Variants in RYR2 observed in about 807,000 individuals in gnomAD.
RYR2 encodes cardiac muscle ryanodine receptor-calcium release channel.
Under a neutral mutation model 601.1 loss-of-function variants are expected in RYR2, and 227 were observed. The observed-to-expected ratio is 0.38, with a 90% CI of 0.34 to 0.42. The LOEUF (loss-of-function observed/expected upper bound fraction) is 0.42. Among genes scored for constraint, RYR2 ranks in the 10% least tolerant of loss-of-function variants. The pLI is 1.00. For synonymous variants in RYR2, 2,223 were observed against 2,175.1 expected, an observed-to-expected ratio of 1.02 and a Z score of -0.61; for missense variants, 4,646 against 6,156.5, an observed-to-expected ratio of 0.75 and a Z score of 8.21.
chr1:237,377,500 T>C (rs1053733702), intron 8 of RYR2, 65 bp downstream of exon 8: 53 of 1,199,996 alleles, frequency 4.4e-5, no homozygotes, highest in Non-Finnish European at 6.3e-5. Context: ...TAAAATGATC[T>C]CTTTAAGGTT....
intron 1 of RYR2, among the ~76,000 whole-genome samples, chr1:237,265,048 A>G (rs1221840486): frequency 3.3e-5 from 5 of 152,106 alleles, no homozygotes; most frequent in African/African-American, 2.4e-5. Context: ...ATGCATGATA[A>G]CAATTGAAGA....
intron 1 of RYR2, among the ~76,000 whole-genome samples, chr1:237,227,485 G>A (rs2149170948): frequency 6.6e-6 from 1 of 152,290 alleles, no homozygotes; most frequent in South Asian, 2.1e-4. Flanking sequence ...GTCAAATAAA[G>A]TAAGTTTTGT....
intron 3 of RYR2, among the ~76,000 whole-genome samples, chr1:237,350,704 T>TA (rs1386751348): frequency 7.0e-6 from 1 of 142,196 alleles, no homozygotes; most frequent in Non-Finnish European, 1.5e-5. Flanking sequence ...TTCCCTATGT[T>TA]AAAAAAAGTC....
chr1:237,044,254 T>C (rs1660288565), intron 1 of RYR2, among the ~76,000 whole-genome samples: 1 of 152,036 alleles, frequency 6.6e-6, no homozygotes, highest in South Asian at 2.1e-4. Flanking sequence ...TTTATTCAGG[T>C]GGACAAATAC....
intron 25 of RYR2, among the ~76,000 whole-genome samples, chr1:237,532,071 G>A (rs1231980221): frequency 6.6e-6 from 1 of 151,830 alleles, no homozygotes; most frequent in Non-Finnish European, 1.5e-5. Context: ...ATTTTTAATT[G>A]TTTTTGTTTT....
chr1:237,128,386 G>A (rs866849768), intron 1 of RYR2, among the ~76,000 whole-genome samples: 7 of 152,146 alleles, frequency 4.6e-5, no homozygotes, highest in African/African-American at 1.2e-4. Context: ...GAGGCAGACC[G>A]TGGGGAGAGG....
rs776115513 is a variant in RYR2 at position 237,786,039 on chromosome 1, A to G, written c.13328+3A>G. ...AAATCTGAACCTGAAAAAGCCGAGT[A>G]TGTATAGTTTGCATATACTTTTCCT... On this transcript the variant is annotated splice_donor_region_variant and intron_variant, in intron 91 of 104. Transcript: ENST00000366574. The G allele has an allele frequency of 5.1e-6, 8 of 1,565,284 alleles. No individual in the cohort carries two copies. The highest frequency in any genetic ancestry group is 6.1e-6 in the Non-Finnish European group (7 of 1,147,972).
At chr1:237,064,675 AG>A (rs1168616633) in intron 1 of RYR2, among the ~76,000 whole-genome samples, 3 of 150,012 alleles carry the variant, frequency 2.0e-5, no homozygotes, top group African/African-American at 7.4e-5. Context: ...CCTTCCTAGT[AG>A]GTATAACTCT....
intron 87 of RYR2, among the ~76,000 whole-genome samples, chr1:237,777,128 G>GT (rs971161618): frequency 3.9e-5 from 6 of 152,214 alleles, no homozygotes; most frequent in Non-Finnish European, 8.8e-5. Flanking sequence ...CTCACTTGGT[G>GT]TAAGGGGATG....
rs557785217 is a variant in RYR2, at chr1:237,311,651, T to C, written c.169-19227T>C. 3.9e-5 allele frequency among the ~76,000 whole-genome samples: 6 copies of C among 152,118 alleles called. No homozygotes were observed. In the South Asian group the frequency reaches 1.2e-3, roughly 32 times the overall value. On this transcript the variant is annotated intron_variant, in intron 2 of 104. Transcript: ENST00000366574. ...TGTGCCACCACAACCAGCTAATTTT[T>C]TTTTTTAAGTAGAGTTGGGATTTCA... is the stretch of plus-strand genomic sequence containing the variant.
chr1:237,804,434 T>C (rs2493901), intron 98 of RYR2, among the ~76,000 whole-genome samples: 27,264 of 149,376 alleles, frequency 0.18, 2,965 homozygotes, highest in East Asian at 0.48. Context: ...CTGTGAAAGA[T>C]TAAGATATCT....
rs541864904 is a variant in RYR2, at chr1:237,644,932, C to T, written c.7342+1485C>T. Among the ~76,000 whole-genome samples, 8 of 151,942 alleles carry T rather than the reference C, an allele frequency of 5.3e-5. No individual in the cohort carries two copies. In the South Asian group the frequency reaches 8.3e-4, roughly 16 times the overall value. On this transcript the variant is annotated intron_variant, in intron 48 of 104. Transcript: ENST00000366574. ...TTGTAATCCCAGCTACTCAGGAGGCCGAGGCAGGAGAATCGCTTGAACCCG... is the reference window on the plus strand; with the variant it reads ...TTGTAATCCCAGCTACTCAGGAGGCTGAGGCAGGAGAATCGCTTGAACCCG...
chr1:237,171,013 C>G (rs1005141601), intron 1 of RYR2, among the ~76,000 whole-genome samples: 2 of 151,776 alleles, frequency 1.3e-5, no homozygotes, highest in Non-Finnish European at 2.9e-5. Flanking sequence ...TAGATTCTCC[C>G]CATGAGGTCG....
At chr1:237,727,261 G>A (rs1690277034) in intron 76 of RYR2, 62 bp downstream of exon 76, 1 of 754,782 alleles carries the variant, frequency 1.3e-6, no homozygotes, top group South Asian at 2.3e-5. Context: ...AGTGACAGGT[G>A]TTTAGAATCT....
intron 87 of RYR2, among the ~76,000 whole-genome samples, chr1:237,778,220 T>C (rs1031310039): frequency 3.9e-5 from 6 of 152,300 alleles, no homozygotes; most frequent in African/African-American, 9.6e-5. Context: ...TTTTTTTCTC[T>C]ATATGAATGC....
chr1:237,388,729 C>T lies in RYR2; in HGVS notation c.773+546C>T, dbSNP rs1346529120. On this transcript the variant is annotated intron_variant, in intron 10 of 104. Coordinates refer to ENST00000366574, the MANE Select transcript of RYR2 (RefSeq NM_001035.3). ...TAGTATGAATCTACTGAGAAAAGTGCACAAATATTACAAAACCATAAAAAT... is the reference window on the plus strand; with the variant it reads ...TAGTATGAATCTACTGAGAAAAGTGTACAAATATTACAAAACCATAAAAAT... Among the ~76,000 whole-genome samples the T allele has an allele frequency of 7.9e-5, 12 of 152,172 alleles. No homozygotes were observed. The East Asian group carries it at 2.3e-3, about 29-fold the overall frequency.
At chr1:237,100,085 G>A (rs1040295473) in intron 1 of RYR2, among the ~76,000 whole-genome samples, 4 of 152,182 alleles carry the variant, frequency 2.6e-5, no homozygotes, top group African/African-American at 7.2e-5. Flanking sequence ...TTAGAAATGG[G>A]TTAGCTTCTA....
rs761012816 is a variant in RYR2 at position 237,546,388 on chromosome 1, GTTT to G, written c.2907-2038_2907-2036del. The stretch of plus-strand genomic sequence containing the variant: ...AAATTACTTTTTTGTTGTTGTTGTT[GTTT>G]TTTTGAGACAGAGTCTCGCCGTGTC... On this transcript the variant is annotated intron_variant, in intron 25 of 104. Coordinates refer to ENST00000366574, the MANE Select transcript of RYR2 (RefSeq NM_001035.3). Among the ~76,000 whole-genome samples the G allele has an allele frequency of 3.1e-4, 47 of 152,028 alleles. No individual in the cohort carries two copies. In the East Asian group the frequency reaches 5.4e-3, roughly 18 times the overall value.
intron 1 of RYR2, 128 bp from the exon 2 acceptor site, chr1:237,270,369 G>T: frequency 7.5e-7 from 1 of 1,334,704 alleles, no homozygotes; most frequent in Non-Finnish European, 1.0e-6. Flanking sequence ...TTGTTTTTTT[G>T]ACAGTAGTTT....
Sources: gnomAD v4.1 joint callset for allele counts (sites outside exome capture counted in the v4.1 genomes callset) on GRCh38, gnomAD v4.1.1 for gene constraint, MANE v1.5 for transcripts, NCBI Gene and HGNC (gene_info 2026-07-23, HGNC 2026-07-21) for gene names.